Variants in RBM6 observed in about 807,000 individuals in gnomAD.
The protein encoded by RBM6 is RNA binding motif protein 6.
Under a neutral mutation model 140.4 loss-of-function variants are expected in RBM6, and 23 were observed. The ratio of observed to expected loss-of-function variants is 0.16; its 90% CI spans 0.12 to 0.23. RBM6 has a LOEUF of 0.23. Ranked by LOEUF, RBM6 falls within the 10% of genes least tolerant of loss-of-function variation. The pLI, the probability that RBM6 is intolerant of heterozygous loss-of-function variation, is 1.00. For synonymous variants in RBM6, 439 were observed against 475.6 expected, an observed-to-expected ratio of 0.92 and a Z score of 1.00; for missense variants, 1,139 against 1,386.7, an observed-to-expected ratio of 0.82 and a Z score of 2.84.
Position 50,066,506 on chromosome 3 carries a change from T to C in RBM6, c.2943+4T>C. 1.2e-6 allele frequency: 2 copies of C among 1,612,316 alleles called. No individual in the cohort carries two copies. The highest frequency in any genetic ancestry group is 1.7e-6 in the Non-Finnish European group (2 of 1,179,578). ...GCAGCTGTCAGACCTGCACAAGGTA[T>C]TAGGGGAAGGAGCTATGCCCTTTCA... On this transcript the variant is annotated splice_donor_region_variant and intron_variant, in intron 17 of 20. Transcript: ENST00000266022.
At chr3:50,060,047 C>T (rs916291400) in intron 11 of RBM6, among the ~76,000 whole-genome samples, 5 of 152,050 alleles carry the variant, frequency 3.3e-5, no homozygotes, top group African/African-American at 4.8e-5. Context: ...GAGGCTGAGG[C>T]GAGATGGGGA....
At chr3:50,026,962 C>T (rs1173646628) in intron 6 of RBM6, among the ~76,000 whole-genome samples, 2 of 151,278 alleles carry the variant, frequency 1.3e-5, no homozygotes, top group African/African-American at 2.4e-5. Flanking sequence ...TGATTTCATT[C>T]GCATCCCTAA....
At chr3:50,076,897 AATT>A in intron 20 of RBM6, 108 bp from the exon 21 acceptor site, 1 of 1,153,206 alleles carries the variant, frequency 8.7e-7, no homozygotes, top group South Asian at 2.1e-5. Context: ...AAAAAAAAAA[AATT>A]ATCCTATATA....
At chr3:49,942,098 C>CAAAA (rs71631037) in intron 1 of RBM6, among the ~76,000 whole-genome samples, 1 of 138,952 alleles carries the variant, frequency 7.2e-6, no homozygotes, top group African/African-American at 2.6e-5. Context: ...AAGACTGTCT[C>CAAAA]AAAAAAAAAA....
intron 5 of RBM6, among the ~76,000 whole-genome samples, chr3:49,976,204 A>G (rs1463307389): frequency 6.6e-6 from 1 of 152,224 alleles, no homozygotes; most frequent in Non-Finnish European, 1.5e-5. Context: ...AGTTAAAGAC[A>G]TCTTCAAGTA....
At chr3:50,034,090 CTTTTT>C (rs68118556) in intron 6 of RBM6, among the ~76,000 whole-genome samples, 1 of 116,216 alleles carries the variant, frequency 8.6e-6, no homozygotes, top group Non-Finnish European at 1.7e-5. Context: ...TCTATACTTC[CTTTTT>C]TTTTTTTTTT....
intron 5 of RBM6, among the ~76,000 whole-genome samples, chr3:49,992,070 G>A (rs1312220041): frequency 2.0e-5 from 3 of 152,006 alleles, no homozygotes; most frequent in African/African-American, 7.3e-5. Context: ...TTCCGTTTCA[G>A]CCTCCCAAGT....
chr3:50,016,765 C>T (rs2087172937), intron 6 of RBM6, among the ~76,000 whole-genome samples: 1 of 151,570 alleles, frequency 6.6e-6, no homozygotes, highest in Non-Finnish European at 1.5e-5. Context: ...TAACTTCCTG[C>T]ACTCAAGCAG....
Position 50,059,712 on chromosome 3 carries a change from A to G in RBM6, c.2194A>G (p.Met732Val), listed in dbSNP as rs1304659671. ...LDPPFSIDGKMVAVNLATGKR... is the reference protein window; with the variant it reads ...LDPPFSIDGKVVAVNLATGKR... ...TCCGCCATTTAGCATTGATGGGAAG[A>G]TGGTAGCTGTAAACCTGGCCACTGG... The change falls in exon 11 of 21, where the codon ATG (methionine) becomes GTG (valine). Residue 732 changes from methionine (M) to valine (V), a missense_variant. By Grantham distance (21) the Met-to-Val change is conservative. Transcript: ENST00000266022. 6.2e-7 allele frequency: 1 copy of G among 1,613,866 alleles called. No individual in the cohort carries two copies. The highest frequency in any genetic ancestry group is 8.5e-7 in the Non-Finnish European group (1 of 1,179,910).
chr3:49,986,048 C>T (rs1007685903), intron 5 of RBM6, among the ~76,000 whole-genome samples: 1 of 151,596 alleles, frequency 6.6e-6, no homozygotes, highest in Admixed American at 6.6e-5. Context: ...TGCAGTGGCA[C>T]GGTCTTGGTT....
chr3:50,011,268 A>G (rs981791747), intron 6 of RBM6, among the ~76,000 whole-genome samples: 2 of 152,028 alleles, frequency 1.3e-5, no homozygotes, highest in South Asian at 2.1e-4. Flanking sequence ...GTATCTACTT[A>G]CCACAGAGGA....
intron 1 of RBM6, among the ~76,000 whole-genome samples, chr3:49,953,977 C>T (rs1237324382): frequency 6.6e-6 from 1 of 151,776 alleles, no homozygotes; most frequent in South Asian, 2.1e-4. Flanking sequence ...ACCAGAAATA[C>T]ACAAAAAAAT....
chr3:49,974,343 A>G (rs1435586240), intron 4 of RBM6, among the ~76,000 whole-genome samples: 1 of 151,350 alleles, frequency 6.6e-6, no homozygotes, highest in Non-Finnish European at 1.5e-5. Context: ...AGTAGCTGGG[A>G]TTATAGGTGT....
intron 6 of RBM6, among the ~76,000 whole-genome samples, chr3:50,004,349 C>T (rs544300690): frequency 7.0e-6 from 1 of 142,792 alleles, no homozygotes; most frequent in East Asian, 2.2e-4. Flanking sequence ...AGGTCTCCCT[C>T]TGTCACCTAC....
In RBM6 at chr3:50,057,953, G is replaced by A. The variant is rs575035122; in HGVS notation, c.1919G>A (p.Arg640Gln). ...RREGPTFRRD[R>Q]ERESWSGETR... ...GAAGGGCCAACTTTCCGAAGAGACC[G>A]AGAGAGGGAGTCATGGTCTGGAGAG... Residue 640 changes from arginine (R) to glutamine (Q), a missense_variant, in exon 9 of 21, where the codon CGA becomes CAA. Around this residue, in one of 9 missense-constraint regions of RBM6, gnomAD observed 109 missense variants for 101.9 expected, o/e 1.07. Coordinates refer to ENST00000266022, the MANE Select transcript of RBM6 (RefSeq NM_005777.3). 44 of 1,614,154 alleles carry A rather than the reference G, an allele frequency of 2.7e-5. No homozygotes were observed. Among genetic ancestry groups the A allele is most frequent in the East Asian group, 6.7e-5 (3 of 44,882 alleles).
At chr3:50,062,668 T>G (rs1194709066) in intron 15 of RBM6, among the ~76,000 whole-genome samples, 2 of 152,164 alleles carry the variant, frequency 1.3e-5, no homozygotes, top group Non-Finnish European at 2.9e-5. Flanking sequence ...ATTTTCACTT[T>G]TCTACATTCC....
chr3:49,979,533 G>A (rs903072711), intron 5 of RBM6, among the ~76,000 whole-genome samples: 5 of 147,096 alleles, frequency 3.4e-5, no homozygotes, highest in Non-Finnish European at 7.4e-5. Flanking sequence ...TCCATCTCCC[G>A]GGTTCAAACG....
chr3:49,941,466 C>T (rs2083276005), intron 1 of RBM6, among the ~76,000 whole-genome samples: 1 of 151,640 alleles, frequency 6.6e-6, no homozygotes, highest in Admixed American at 6.6e-5. Flanking sequence ...CATGGAGAAA[C>T]CGCGTCTCTA....
At chr3:50,041,958 A>G (rs2088943631) in intron 6 of RBM6, among the ~76,000 whole-genome samples, 1 of 152,104 alleles carries the variant, frequency 6.6e-6, no homozygotes, top group Admixed American at 6.6e-5. Context: ...CAAAAAGAAA[A>G]CCTGACTTTT....
Sources: allele counts gnomAD v4.1 joint callset (sites outside exome capture counted in the v4.1 genomes callset), GRCh38; gene constraint gnomAD v4.1.1; regional missense constraint gnomAD v4.1.1; transcripts MANE v1.5; gene names NCBI Gene and HGNC (gene_info 2026-07-23, HGNC 2026-07-21).